The following LRRC37A2 variants were observed in gnomAD, a reference collection of about 807,000 sequenced individuals.
LRRC37A2 encodes the protein leucine rich repeat containing 37 member A2, also known as leucine-rich repeat-containing protein 37A2.
LRRC37A2 carries 9 observed loss-of-function variants against 68.8 expected under a neutral mutation model. The observed-to-expected ratio is 0.13, with a 90% CI of 0.08 to 0.23. The LOEUF is 0.23. Ranked by LOEUF, LRRC37A2 falls within the 10% of genes least tolerant of loss-of-function variation. LRRC37A2 has a pLI of 1.00. For missense variants in LRRC37A2, 168 were observed against 950.4 expected (o/e 0.18, Z 10.82); for synonymous variants, 63 against 367.6 (o/e 0.17, Z 9.48).
the LRRC37A2 span, among the ~76,000 whole-genome samples, chr17:46,951,895 C>A: frequency 2.6e-5 from 4 of 152,150 alleles, no homozygotes; most frequent in East Asian, 1.9e-4. Context: ...GCTTCTCCCC[C>A]CCAGACATCA....
chr17:46,819,296 C>T, the LRRC37A2 span, among the ~76,000 whole-genome samples: 1 of 152,176 alleles, frequency 6.6e-6, no homozygotes, highest in Admixed American at 6.5e-5. This position sits in a 1 kb window ranked among gnomAD's most constrained non-coding sequence, Gnocchi z 5.3. Flanking sequence ...GAAAAGTCCG[C>T]GGAGGCTCGA....
the LRRC37A2 span, among the ~76,000 whole-genome samples, chr17:46,991,525 C>T: frequency 8.5e-3 from 1,290 of 152,012 alleles, 27 homozygotes; most frequent in African/African-American, 0.03. Flanking sequence ...CTACTCAGGA[C>T]GCTGAGGCAG....
At chr17:46,917,288 C>A in the LRRC37A2 span, 1 of 152,172 alleles carries the variant, frequency 6.6e-6, no homozygotes, top group African/African-American at 2.4e-5. Flanking sequence ...GAAATCAAAA[C>A]AAGTTATCTT....
chr17:46,761,990 C>A, the LRRC37A2 span, among the ~76,000 whole-genome samples: 2 of 152,242 alleles, frequency 1.3e-5, no homozygotes, highest in Non-Finnish European at 2.9e-5. Context: ...CCAGGGCACA[C>A]GCTTTCTTCT....
the LRRC37A2 span, among the ~76,000 whole-genome samples, chr17:47,001,381 A>G: frequency 5.1e-5 from 6 of 116,582 alleles, no homozygotes; most frequent in South Asian, 6.9e-4. Context: ...GCTTTTCCCC[A>G]CTTCTGAATC....
chr17:46,894,213 C>T, the LRRC37A2 span, among the ~76,000 whole-genome samples: 4 of 152,190 alleles, frequency 2.6e-5, no homozygotes, highest in Admixed American at 2.6e-4. Flanking sequence ...AATGTCAATA[C>T]CTTAGGTACA....
At chr17:46,815,438 A>G in the LRRC37A2 span, among the ~76,000 whole-genome samples, 1 of 152,146 alleles carries the variant, frequency 6.6e-6, no homozygotes, top group Non-Finnish European at 1.5e-5. Flanking sequence ...TCCCAGCTAC[A>G]TGACTTCCCC....
At chr17:46,950,945 C>G in the LRRC37A2 span, among the ~76,000 whole-genome samples, 1 of 152,180 alleles carries the variant, frequency 6.6e-6, no homozygotes, top group Non-Finnish European at 1.5e-5. Flanking sequence ...GTCACCGACT[C>G]CCAATCCAGT....
chr17:46,740,683 C>G, the LRRC37A2 span, among the ~76,000 whole-genome samples: 1 of 147,156 alleles, frequency 6.8e-6, no homozygotes, highest in Non-Finnish European at 1.5e-5. Flanking sequence ...TTTTTGGACA[C>G]CAAGTTTTGC....
chr17:47,002,157 A>T, the LRRC37A2 span, among the ~76,000 whole-genome samples: 1 of 152,010 alleles, frequency 6.6e-6, no homozygotes, highest in East Asian at 1.9e-4. Flanking sequence ...TTATTTTGAG[A>T]TGTATCCATG....
chr17:46,979,029 T>C, the LRRC37A2 span: 4 of 1,387,422 alleles, frequency 2.9e-6, no homozygotes, highest in Non-Finnish European at 3.7e-6. Context: ...GCCGGGGGTC[T>C]CGGCGCGCAG....
chr17:46,836,460 CT>C, the LRRC37A2 span, among the ~76,000 whole-genome samples: 9 of 152,018 alleles, frequency 5.9e-5, no homozygotes, highest in African/African-American at 2.2e-4. Flanking sequence ...CAAGTAAGCA[CT>C]TTGAATATCT....
chr17:46,887,017 A>G, the LRRC37A2 span, among the ~76,000 whole-genome samples: 1 of 152,122 alleles, frequency 6.6e-6, no homozygotes, highest in East Asian at 1.9e-4. Context: ...GGGTTTCACC[A>G]TGTTGCCCAA....
chr17:46,767,464 A>G, the LRRC37A2 span, among the ~76,000 whole-genome samples: 22 of 152,212 alleles, frequency 1.4e-4, no homozygotes, highest in Admixed American at 1.4e-3. Flanking sequence ...AGGTGGATGC[A>G]CACTGACTCT....
the LRRC37A2 span, among the ~76,000 whole-genome samples, chr17:46,502,525 C>G: frequency 6.6e-6 from 1 of 150,978 alleles, no homozygotes; most frequent in Non-Finnish European, 1.5e-5. Context: ...TGGTCTCGAA[C>G]TCCTGACCTC....
chr17:46,791,263 TAGTGCAGTGGCGTGATCTCAGCTC>T, the LRRC37A2 span, among the ~76,000 whole-genome samples: 3 of 151,924 alleles, frequency 2.0e-5, no homozygotes, highest in Non-Finnish European at 4.4e-5. Flanking sequence ...ACCCAGGCTG[TAGTGCAGTGGCGTGATCTCAGCTC>T]ACTGCAACCT....
At chr17:46,854,636 AC>A in the LRRC37A2 span, among the ~76,000 whole-genome samples, 4 of 151,556 alleles carry the variant, frequency 2.6e-5, no homozygotes, top group South Asian at 2.1e-4. Flanking sequence ...ATAAAAAAAA[AC>A]ATAACTAGTA....
the LRRC37A2 span, among the ~76,000 whole-genome samples, chr17:46,992,709 C>A: frequency 1.3e-5 from 2 of 151,970 alleles, no homozygotes; most frequent in Admixed American, 6.6e-5. Flanking sequence ...AAAAATTAGC[C>A]AGGCATTGTG....
the LRRC37A2 span, among the ~76,000 whole-genome samples, chr17:46,719,637 G>A: frequency 6.6e-6 from 1 of 151,918 alleles, no homozygotes; most frequent in African/African-American, 2.4e-5. This position sits in a 1 kb window ranked among gnomAD's most constrained non-coding sequence, Gnocchi z 4.3. Flanking sequence ...CCTATTTTAC[G>A]TTTGCTTCCC....
Sources: gnomAD v4.1 joint callset for allele counts (sites outside exome capture counted in the v4.1 genomes callset) on GRCh38, gnomAD v4.1.1 for gene constraint, Gnocchi (gnomAD v3.1) non-coding constraint, MANE v1.5 for transcripts, NCBI Gene and HGNC (gene_info 2026-07-23, HGNC 2026-07-21) for gene names.